Variants in TNS1 observed in about 807,000 individuals in gnomAD.
The protein encoded by TNS1 is tensin 1.
In TNS1, 62 loss-of-function variants were observed where a neutral mutation model predicts 168.6. That is an observed-to-expected ratio of 0.37 (90% confidence interval 0.30 to 0.45). The LOEUF is 0.45. TNS1 is among the 20% of genes least tolerant of loss of function. The pLI, the probability that TNS1 is intolerant of heterozygous loss-of-function variation, is 1.00. For synonymous variants in TNS1, 934 were observed against 933.2 expected (o/e 1.00, Z -0.02); for missense variants, 2,240 against 2,339.4 (o/e 0.96, Z 0.88).
upstream of TNS1, among the ~76,000 whole-genome samples, chr2:218,011,833 T>C (rs1011439151): frequency 7.9e-5 from 12 of 151,596 alleles, no homozygotes; most frequent in African/African-American, 2.4e-5. Flanking sequence ...TACTGGCGAG[T>C]GGATAGAGAC....
Position 217,955,523 on chromosome 2 carries a change from G to A in TNS1, c.186+23242C>T, listed in dbSNP as rs149746110. On this transcript the variant is annotated intron_variant, in intron 3 of 32. Coordinates refer to ENST00000682258, the MANE Select transcript of TNS1 (RefSeq NM_001387777.1). ...CAAGCCTTCCTCCCGCACAGTGCCC[G>A]TCCACCACCAGTCCCTCCAAGCTGG... Among the ~76,000 whole-genome samples, 344 of 152,260 alleles carry A rather than the reference G, an allele frequency of 2.3e-3. 14 individuals carry two copies. The East Asian group carries it at 0.06, about 26-fold the overall frequency.
At chr2:217,851,705 A>C (rs1947523849) in intron 18 of TNS1, among the ~76,000 whole-genome samples, 1 of 152,140 alleles carries the variant, frequency 6.6e-6, no homozygotes, top group African/African-American at 2.4e-5. Flanking sequence ...TAGACCCCTA[A>C]AGGCTGCTAA....
At chr2:218,031,190 G>T (rs185796535) in intron 1 of TNS1, among the ~76,000 whole-genome samples, 1 of 150,012 alleles carries the variant, frequency 6.7e-6, no homozygotes, top group East Asian at 2.0e-4. Flanking sequence ...GTGTGAATGT[G>T]TCTGTATGTG....
chr2:217,940,738 G>T (rs1295840764), intron 3 of TNS1, among the ~76,000 whole-genome samples: 12 of 152,148 alleles, frequency 7.9e-5, no homozygotes. Flanking sequence ...AGAAAAGGGG[G>T]CACAGGCATC....
intron 1 of TNS1, among the ~76,000 whole-genome samples, chr2:218,018,891 G>T (rs557289485): frequency 6.6e-6 from 1 of 152,182 alleles, no homozygotes; most frequent in South Asian, 2.1e-4. Context: ...AGCCTTGCCC[G>T]CATGGTGAAA....
At chr2:217,906,799 C>T (rs1410344274) in intron 5 of TNS1, among the ~76,000 whole-genome samples, 2 of 152,204 alleles carry the variant, frequency 1.3e-5, no homozygotes. Context: ...CAGAACCCAC[C>T]TACTTTCCTC....
At chr2:217,808,166 CCACCCA>C in intron 31 of TNS1, 59 bp from the exon 32 acceptor site, 1 of 1,590,866 alleles carries the variant, frequency 6.3e-7, no homozygotes, top group East Asian at 2.3e-5. Context: ...GAGCCCAGCC[CCACCCA>C]TGCCCAGACC....
intron 18 of TNS1, among the ~76,000 whole-genome samples, chr2:217,877,755 G>T (rs1418074762): frequency 6.6e-6 from 1 of 152,196 alleles, no homozygotes; most frequent in Non-Finnish European, 1.5e-5. Flanking sequence ...CAGCAGGAGG[G>T]CCTCCTGGGG....
chr2:218,029,541 G>T (rs1297377118), intron 1 of TNS1, among the ~76,000 whole-genome samples: 1 of 152,238 alleles, frequency 6.6e-6, no homozygotes, highest in African/African-American at 2.4e-5. Context: ...TAAATGGACA[G>T]CGTGTCTTCA....
At chr2:217,863,315 C>A (rs192233206) in intron 18 of TNS1, among the ~76,000 whole-genome samples, 172 of 152,184 alleles carry the variant, frequency 1.1e-3, no homozygotes, top group African/African-American at 4.0e-3. Flanking sequence ...GTAGCCAGGG[C>A]CCCCCAGGGA....
intron 1 of TNS1, among the ~76,000 whole-genome samples, chr2:217,991,827 T>A (rs998936105): frequency 2.6e-5 from 4 of 151,730 alleles, no homozygotes; most frequent in Non-Finnish European, 5.9e-5. Context: ...TCCATCTTTA[T>A]TTTTATTTTC....
chr2:217,922,951 C>T (rs2125869042), intron 3 of TNS1, among the ~76,000 whole-genome samples: 1 of 152,048 alleles, frequency 6.6e-6, no homozygotes, highest in South Asian at 2.1e-4. Context: ...TTTTTTTAAG[C>T]AAAGAAATGT....
At chr2:217,883,065 G>T (rs927834236) in intron 16 of TNS1, among the ~76,000 whole-genome samples, 1 of 151,308 alleles carries the variant, frequency 6.6e-6, no homozygotes, top group Non-Finnish European at 1.5e-5. Context: ...CAAAGTGCTG[G>T]GTCTACAGGC....
intron 2 of TNS1, among the ~76,000 whole-genome samples, chr2:217,980,521 A>T (rs1958020993): frequency 7.0e-6 from 1 of 143,738 alleles, no homozygotes; most frequent in African/African-American, 2.9e-5. Context: ...AGAGAGAGAG[A>T]GAGAGAGAGA....
chr2:217,812,599 T>C (rs1941145332), intron 27 of TNS1, among the ~76,000 whole-genome samples, 154 bp from the exon 28 acceptor site: 1 of 152,198 alleles, frequency 6.6e-6, no homozygotes, highest in African/African-American at 2.4e-5. Flanking sequence ...CACCCTCTTG[T>C]TGAACAAGAT....
rs1937391396 is a variant in TNS1 at position 217,800,896 on chromosome 2, G to A, written c.*3563C>T. The A allele has an allele frequency of 1.3e-5, 2 of 152,256 alleles. No individual in the cohort carries two copies. The highest frequency in any genetic ancestry group is 1.3e-4 in the Admixed American group (2 of 15,284). 9.4% of individuals were successfully genotyped at this position (152,256 alleles called of 1,614,324 possible). Reference sequence around the variant, plus strand: ...CATGCTCCCCTGGAGCCCCTGCACAGGCTCATCAGAACAAGGCAGAATCTC... The same window carrying A: ...CATGCTCCCCTGGAGCCCCTGCACAAGCTCATCAGAACAAGGCAGAATCTC... On this transcript the variant is annotated 3_prime_UTR_variant, in exon 33 of 33. Coordinates refer to ENST00000682258, the MANE Select transcript of TNS1 (RefSeq NM_001387777.1).
Position 217,848,704 on chromosome 2 carries a change from C to G in TNS1, c.1813G>C (p.Val605Leu). ...TTGACATGAACCTGGGCTGGGACAACGTGGCGTCCAGAGGAGGGCACAGCC... is the reference window on the plus strand; with the variant it reads ...TTGACATGAACCTGGGCTGGGACAAGGTGGCGTCCAGAGGAGGGCACAGCC... ...GSAVPSSGRH[V>L]VPAQVHVNGG... Residue 605 changes from valine (V) to leucine (L), a missense_variant, in exon 19 of 33, where the codon GTT becomes CTT. This residue lies in a region of TNS1 where 2,131 missense variants were observed against 2,171.2 expected (regional missense o/e 0.98). Transcript: ENST00000682258. 6.2e-7 allele frequency: 1 copy of G among 1,614,198 alleles called. No homozygotes were observed. Among genetic ancestry groups the G allele is most frequent in the Non-Finnish European group, 8.5e-7 (1 of 1,180,016 alleles).
intron 18 of TNS1, among the ~76,000 whole-genome samples, chr2:217,863,065 C>T (rs1379489984): frequency 6.6e-6 from 1 of 151,912 alleles, no homozygotes; most frequent in African/African-American, 2.4e-5. Context: ...AGGCTTAGTC[C>T]CTTCCTGTCA....
At chr2:217,865,163 T>C (rs550864048) in intron 18 of TNS1, among the ~76,000 whole-genome samples, 2 of 152,278 alleles carry the variant, frequency 1.3e-5, no homozygotes, top group African/African-American at 2.4e-5. Flanking sequence ...TGTGGCTCCA[T>C]GCATGAGAGG....
Sources: allele counts gnomAD v4.1 joint callset (sites outside exome capture counted in the v4.1 genomes callset), GRCh38; gene constraint gnomAD v4.1.1; regional missense constraint gnomAD v4.1.1; transcripts MANE v1.5; gene names NCBI Gene and HGNC (gene_info 2026-07-23, HGNC 2026-07-21).